GTF2H1: variants seen among roughly 807,000 people sequenced by gnomAD.
GTF2H1 encodes the protein BTF2 p62.
In GTF2H1, 16 loss-of-function variants were observed where a neutral mutation model predicts 71.2. That is an observed-to-expected ratio of 0.22 (90% CI 0.15 to 0.34). GTF2H1 has a LOEUF of 0.34. Ranked by LOEUF, GTF2H1 falls within the 10% of genes least tolerant of loss-of-function variation. The pLI, the probability that GTF2H1 is intolerant of heterozygous loss-of-function variation, is 1.00. For missense variants in GTF2H1, 498 were observed against 648.2 expected (o/e 0.77, Z 2.52); for synonymous variants, 215 against 219.0 (o/e 0.98, Z 0.16).
intron 6 of GTF2H1, 57 bp from the exon 7 acceptor site, chr11:18,341,471 T>G: frequency 1.9e-6 from 3 of 1,603,522 alleles, no homozygotes; most frequent in Non-Finnish European, 2.6e-6. Context: ...ACATTATAAG[T>G]GTTAATTTCT....
chr11:18,363,416 G>C (rs1865751587), intron 14 of GTF2H1, among the ~76,000 whole-genome samples: 2 of 152,114 alleles, frequency 1.3e-5, no homozygotes, highest in South Asian at 4.1e-4. Context: ...ATGTGCTGCT[G>C]TATGATGTTA....
Position 18,351,923 on chromosome 11 carries a change from A to C in GTF2H1, c.1096A>C (p.Asn366His). The change falls in exon 10 of 15, where the codon AAT becomes CAT. Residue 366 changes from asparagine (N) to histidine (H), a missense_variant. Asn to His is a moderately conservative substitution (Grantham distance 68). Transcript: ENST00000265963. ...ESIEYEDLGK[N>H]NSVKTIALNL... ...CATTGAATATGAAGACTTGGGGAAA[A>C]ATAATTCTGTAAAAACGATTGCACT... 1 of 1,601,618 alleles carries C rather than the reference A, an allele frequency of 6.2e-7. No homozygotes were observed. Among genetic ancestry groups the C allele is most frequent in the Non-Finnish European group, 8.6e-7 (1 of 1,168,890 alleles).
In GTF2H1 at chr11:18,358,516, C is replaced by G; in HGVS notation, c.1352-9C>G. ...CTCTTAACCTATGGGCCTTGTTCTT[C>G]TTTTGCAGAGATGGTGCCAAATGAT... On this transcript the variant is annotated splice_polypyrimidine_tract_variant and intron_variant, in intron 12 of 14. Coordinates refer to ENST00000265963, the MANE Select transcript of GTF2H1 (RefSeq NM_005316.4). 6.6e-7 allele frequency: 1 copy of G among 1,525,628 alleles called. No individual in the cohort carries two copies. The highest frequency in any genetic ancestry group is 1.4e-5 in the African/African-American group (1 of 73,296). The allele number at this position is 1,525,628 out of a possible 1,614,324, so 94.5% of individuals were successfully genotyped here.
At chr11:18,349,745 G>A (rs1235329307) in intron 9 of GTF2H1, among the ~76,000 whole-genome samples, 2 of 152,222 alleles carry the variant, frequency 1.3e-5, no homozygotes, top group Admixed American at 6.5e-5. Flanking sequence ...GATGCTTCTC[G>A]ACTTAAATGG....
At chr11:18,360,565 C>A in intron 13 of GTF2H1, 50 bp from the exon 14 acceptor site, 2 of 858,848 alleles carry the variant, frequency 2.3e-6, no homozygotes, top group South Asian at 1.6e-5. Flanking sequence ...TTCTGTTGGT[C>A]TCTACAGCTT....
At chr11:18,363,532 T>A (rs1034327530) in intron 14 of GTF2H1, among the ~76,000 whole-genome samples, 5 of 152,156 alleles carry the variant, frequency 3.3e-5, no homozygotes, top group Non-Finnish European at 7.3e-5. Context: ...AAATTTAAGA[T>A]TCAGTATTCA....
At position 18,335,824 on chromosome 11, in the gene GTF2H1, T is replaced by A. The variant is rs753180260; in HGVS notation, c.225T>A (p.Thr75=). ...TGGTCCTACATGCAGGGGACACAAC[T>A]AACTTCCATTTTTCCAATGAAAGCA... ...LQLVLHAGDT[T]NFHFSNESTA... Residue 75 remains threonine (T), a synonymous_variant, in exon 3 of 15, where the codon ACT becomes ACA. Coordinates refer to ENST00000265963, the MANE Select transcript of GTF2H1 (RefSeq NM_005316.4). The A allele has an allele frequency of 2.4e-5, 38 of 1,613,974 alleles. 1 individual carries two copies. The South Asian group carries it at 4.2e-4, about 18-fold the overall frequency.
At chr11:18,359,026 G>A (rs1429124372) in intron 13 of GTF2H1, among the ~76,000 whole-genome samples, 2 of 152,076 alleles carry the variant, frequency 1.3e-5, no homozygotes, top group Non-Finnish European at 2.9e-5. Context: ...CACTAAAACC[G>A]CTTTAACCAA....
chr11:18,365,753 AGTT>A, intron 14 of GTF2H1, 27 bp from the exon 15 acceptor site: 2 of 1,494,670 alleles, frequency 1.3e-6, no homozygotes, highest in Non-Finnish European at 1.9e-6. Flanking sequence ...GCTTTTGCCC[AGTT>A]GTTAAGTGTC....
At chr11:18,331,138 C>G (rs11024622) in intron 1 of GTF2H1, among the ~76,000 whole-genome samples, 70,210 of 152,046 alleles carry the variant, frequency 0.46, 18,616 homozygotes, top group East Asian at 0.85. Flanking sequence ...GCCTCTGCCT[C>G]CTGGGCTCAA....
chr11:18,360,807 C>CTTTTT, intron 14 of GTF2H1, 100 bp downstream of exon 14: 2 of 513,754 alleles, frequency 3.9e-6, no homozygotes, highest in Non-Finnish European at 6.7e-6. Flanking sequence ...ACTTAATTTT[C>CTTTTT]TTTTTTTTTT....
chr11:18,338,117 A>G lies in GTF2H1; in HGVS notation c.356A>G (p.Gln119Arg), dbSNP rs554287838. ...KELEEKNRML[Q>R]EDPVLFQLYK... ...TATATTCTGCTTTACAGAATGCTGC[A>G]AGAAGATCCTGTTTTGTTTCAGCTT... Residue 119 changes from glutamine to arginine, a missense_variant, in exon 4 of 15, where the codon CAA becomes CGA. By Grantham distance (43) the Gln-to-Arg change is conservative (BLOSUM62 1). Coordinates refer to ENST00000265963, the MANE Select transcript of GTF2H1 (RefSeq NM_005316.4). The G allele has an allele frequency of 2.3e-5, 37 of 1,608,660 alleles. No individual in the cohort carries two copies. In the South Asian group the frequency reaches 4.0e-4, roughly 17 times the overall value.
intron 5 of GTF2H1, 65 bp downstream of exon 5, chr11:18,339,722 A>G: frequency 1.0e-6 from 1 of 959,274 alleles, no homozygotes; most frequent in Non-Finnish European, 1.6e-6. Flanking sequence ...ATATCAGTGA[A>G]AAACAAAAAG....
At chr11:18,362,908 A>G (rs1464791063) in intron 14 of GTF2H1, among the ~76,000 whole-genome samples, 6 of 151,886 alleles carry the variant, frequency 4.0e-5, no homozygotes, top group Non-Finnish European at 7.4e-5. Context: ...TGACCTCGTG[A>G]TCCACCCACC....
At chr11:18,360,997 G>A (rs1394476102) in intron 14 of GTF2H1, among the ~76,000 whole-genome samples, 4 of 151,638 alleles carry the variant, frequency 2.6e-5, no homozygotes, top group Non-Finnish European at 5.9e-5. Context: ...TAGAGACGGG[G>A]TTTCACCATG....
chr11:18,333,407 C>G, intron 2 of GTF2H1, 179 bp downstream of exon 2: 1 of 469,280 alleles, frequency 2.1e-6, no homozygotes, highest in East Asian at 3.5e-5. Flanking sequence ...AATAACAGAA[C>G]AGGTACAGGT....
At chr11:18,361,210 GTC>G (rs931839217) in intron 14 of GTF2H1, among the ~76,000 whole-genome samples, 11 of 152,084 alleles carry the variant, frequency 7.2e-5, no homozygotes, top group African/African-American at 2.2e-4. Flanking sequence ...TAAAATAACT[GTC>G]TGTTTACTCA....
intron 14 of GTF2H1, among the ~76,000 whole-genome samples, chr11:18,362,155 A>C (rs1052288907): frequency 1.3e-5 from 2 of 152,206 alleles, no homozygotes; most frequent in Non-Finnish European, 2.9e-5. Flanking sequence ...CCTAGGCTAC[A>C]AACCTGTACA....
chr11:18,346,559 G>A (rs1412938527), intron 7 of GTF2H1, among the ~76,000 whole-genome samples: 2 of 151,952 alleles, frequency 1.3e-5, no homozygotes, highest in Non-Finnish European at 2.9e-5. Flanking sequence ...AGCAAGTAGC[G>A]TGCACTCAAT....
Sources: allele counts gnomAD v4.1 joint callset (sites outside exome capture counted in the v4.1 genomes callset), GRCh38; gene constraint gnomAD v4.1.1; transcripts MANE v1.5; gene names NCBI Gene and HGNC (gene_info 2026-07-23, HGNC 2026-07-21).